The following TPST1 variants were observed in gnomAD, a reference collection of about 807,000 sequenced individuals.
The protein encoded by TPST1 is protein-tyrosine sulfotransferase 1.
A neutral mutation model predicts 34.8 loss-of-function variants in TPST1; 20 were observed. The ratio of observed to expected loss-of-function variants is 0.57; its 90% CI spans 0.40 to 0.84. The LOEUF is 0.84. TPST1 is among the 40% of genes least tolerant of loss of function. The pLI is 0.00. For synonymous variants in TPST1, 152 were observed against 159.4 expected (o/e 0.95, Z 0.35); for missense variants, 353 against 455.5 (o/e 0.78, Z 2.05).
Position 66,357,895 on chromosome 7 carries a change from C to T in TPST1, c.*29+1024C>T, listed in dbSNP as rs184414460. Reference sequence around the variant, plus strand: ...GGTCAGGAGTTCGAGACCAGCCTGGCCAACATAGTGAAACCTCGTCTCTAC... The same window carrying T: ...GGTCAGGAGTTCGAGACCAGCCTGGTCAACATAGTGAAACCTCGTCTCTAC... On this transcript the variant is annotated intron_variant, in intron 5 of 5. Coordinates refer to ENST00000304842, the MANE Select transcript of TPST1 (RefSeq NM_003596.4). Among the ~76,000 whole-genome samples, 11 of 152,218 alleles carry T rather than the reference C, an allele frequency of 7.2e-5. 1 individual carries two copies. The highest frequency in any genetic ancestry group is 7.2e-5 in the African/African-American group (3 of 41,524).
chr7:66,304,059 T>A (rs1791372600), intron 3 of TPST1, among the ~76,000 whole-genome samples: 1 of 152,074 alleles, frequency 6.6e-6, no homozygotes, highest in African/African-American at 2.4e-5. Flanking sequence ...CACTGTTAAG[T>A]GTTATAGGAG....
intron 2 of TPST1, among the ~76,000 whole-genome samples, chr7:66,252,879 A>C (rs1276280557): frequency 6.6e-6 from 1 of 152,152 alleles, no homozygotes; most frequent in Non-Finnish European, 1.5e-5. Flanking sequence ...TTTATTAATC[A>C]ATATGGAATT....
intron 1 of TPST1, among the ~76,000 whole-genome samples, chr7:66,220,415 GA>G (rs1166977137): frequency 6.6e-6 from 1 of 152,080 alleles, no homozygotes; most frequent in Non-Finnish European, 1.5e-5. Flanking sequence ...CAGCCTACTG[GA>G]AAAACAGACA....
At chr7:66,245,363 G>A (rs530323278) in intron 2 of TPST1, among the ~76,000 whole-genome samples, 6 of 152,270 alleles carry the variant, frequency 3.9e-5, no homozygotes, top group South Asian at 2.1e-4. Flanking sequence ...AAATTACTAC[G>A]AGGAAACATC....
chr7:66,228,610 A>G (rs1372419794), intron 1 of TPST1, among the ~76,000 whole-genome samples: 1 of 152,250 alleles, frequency 6.6e-6, no homozygotes, highest in Non-Finnish European at 1.5e-5. Flanking sequence ...TATTGGATCC[A>G]TAAGAACACT....
chr7:66,358,323 C>G (rs1584266245), intron 5 of TPST1, among the ~76,000 whole-genome samples: 2 of 149,472 alleles, frequency 1.3e-5, no homozygotes, highest in Non-Finnish European at 3.0e-5. Context: ...ACTTGCTGAC[C>G]TTTGTTTTTT....
chr7:66,349,162 G>A (rs545396752), intron 3 of TPST1, among the ~76,000 whole-genome samples: 5 of 152,308 alleles, frequency 3.3e-5, no homozygotes, highest in African/African-American at 9.6e-5. Flanking sequence ...GCCTTGCTCT[G>A]CCACTGACAC....
chr7:66,209,041 G>T (rs1433535748), intron 1 of TPST1, among the ~76,000 whole-genome samples: 1 of 151,994 alleles, frequency 6.6e-6, no homozygotes, highest in African/African-American at 2.4e-5. Context: ...CCAGCATTTT[G>T]GGAGACTGAG....
rs1323739927 is a variant in TPST1 at position 66,243,985 on chromosome 7, G to T, written c.845+2715G>T. On this transcript the variant is annotated intron_variant, in intron 2 of 5. Transcript: ENST00000304842. The stretch of plus-strand genomic sequence containing the variant: ...TTTCTTCGAGACGGAGTCTTGCTCT[G>T]TCGCCCAGGCTGGAGTGCAGTGGCA... 1.7e-4 allele frequency among the ~76,000 whole-genome samples: 23 copies of T among 134,480 alleles called. No homozygotes were observed. The Admixed American group carries it at 1.8e-3, about 10-fold the overall frequency. The allele number at this position is 134,480 out of a possible 152,430, so 88.2% of individuals were successfully genotyped here.
At chr7:66,341,673 A>G (rs868022611) in intron 3 of TPST1, among the ~76,000 whole-genome samples, 6 of 152,326 alleles carry the variant, frequency 3.9e-5, no homozygotes, top group South Asian at 4.1e-4. Context: ...AGAGAACTCC[A>G]TTTAACTTTG....
intron 3 of TPST1, among the ~76,000 whole-genome samples, chr7:66,323,503 A>T (rs1369211993): frequency 6.6e-6 from 1 of 151,934 alleles, no homozygotes; most frequent in Admixed American, 6.6e-5. Context: ...ATTATTATGT[A>T]TTACACTGGA....
rs1216733182 is a variant in TPST1, at chr7:66,205,666, G to A, written c.-102+144G>A. Reference sequence around the variant, plus strand: ...TTGTCCAACCCCGCCCCCGAGCGCGGAGCCCCGGGTCTGGCCCGTCCGGCC... The same window carrying A: ...TTGTCCAACCCCGCCCCCGAGCGCGAAGCCCCGGGTCTGGCCCGTCCGGCC... On this transcript the variant is annotated intron_variant, in intron 1 of 5. Coordinates refer to ENST00000304842, the MANE Select transcript of TPST1 (RefSeq NM_003596.4). The surrounding 1 kb of genome is among the most constrained non-coding windows in gnomAD (Gnocchi z 5.0). 6.6e-6 allele frequency: 1 copy of A among 152,362 alleles called. No individual in the cohort carries two copies. The highest frequency in any genetic ancestry group is 2.4e-5 in the African/African-American group (1 of 41,396). 9.4% of individuals were successfully genotyped at this position (152,362 alleles called of 1,614,324 possible). A position where few individuals can be genotyped will look rare whatever the true frequency, so the allele number is the denominator to read the frequency against.
In TPST1 at chr7:66,360,246, A is replaced by G. The variant is rs1792663805; in HGVS notation, c.*381A>G. On this transcript the variant is annotated 3_prime_UTR_variant, in exon 6 of 6. Transcript: ENST00000304842. ...CAGACTTGGGCAGTCTCCTTTTGAA[A>G]TAGGTTGTCTGTACATGTTCTAATG... The G allele has an allele frequency of 3.7e-6, 1 of 271,092 alleles. No homozygotes were observed. 16.8% of individuals were successfully genotyped at this position (271,092 alleles called of 1,614,324 possible).
intron 1 of TPST1, among the ~76,000 whole-genome samples, chr7:66,224,465 C>T (rs950665860): frequency 5.9e-5 from 9 of 152,110 alleles, no homozygotes; most frequent in African/African-American, 1.9e-4. Flanking sequence ...CTTTTAGGGG[C>T]GTTGTTACAT....
At chr7:66,198,966 G>A in the TPST1 span, among the ~76,000 whole-genome samples, 1 of 152,196 alleles carries the variant, frequency 6.6e-6, no homozygotes, top group Non-Finnish European at 1.5e-5. Flanking sequence ...GCAGGTAAGT[G>A]TTTCATCTCA....
chr7:66,243,523 AACCTCCATCTCCC>A (rs1042366365), intron 2 of TPST1, among the ~76,000 whole-genome samples: 1 of 150,920 alleles, frequency 6.6e-6, no homozygotes, highest in African/African-American at 2.4e-5. Context: ...TGCTCACTGC[AACCTCCATCTCCC>A]AGGCTCAGGT....
intron 3 of TPST1, among the ~76,000 whole-genome samples, chr7:66,339,457 CAA>C (rs1792189507): frequency 6.6e-6 from 1 of 152,112 alleles, no homozygotes; most frequent in African/African-American, 2.4e-5. Flanking sequence ...TCAAACTCCT[CAA>C]AACAAAAATT....
At chr7:66,352,944 C>T in intron 4 of TPST1, 1 of 985,418 alleles carries the variant, frequency 1.0e-6, no homozygotes, top group Non-Finnish European at 1.2e-6. Flanking sequence ...ATCCTTGCCC[C>T]TTTGACTTTT....
intron 1 of TPST1, among the ~76,000 whole-genome samples, chr7:66,235,864 A>G (rs988756069): frequency 2.0e-5 from 3 of 152,188 alleles, no homozygotes; most frequent in Non-Finnish European, 2.9e-5. Flanking sequence ...GAAGCGGGGA[A>G]GGGGCTTCCA....
Sources: gnomAD v4.1 joint callset for allele counts (sites outside exome capture counted in the v4.1 genomes callset) on GRCh38, gnomAD v4.1.1 for gene constraint, Gnocchi (gnomAD v3.1) non-coding constraint, MANE v1.5 for transcripts, NCBI Gene and HGNC (gene_info 2026-07-23, HGNC 2026-07-21) for gene names.